Variants in KDM4C observed in about 807,000 individuals in gnomAD.
KDM4C encodes lysine-specific demethylase 4C.
A neutral mutation model predicts 129.3 loss-of-function variants in KDM4C; 81 were observed. The ratio of observed to expected loss-of-function variants is 0.63; its 90% CI spans 0.52 to 0.75. The LOEUF (loss-of-function observed/expected upper bound fraction) is 0.75, where lower values mean the gene tolerates loss of function less well. KDM4C is among the 30% of genes least tolerant of loss of function. The probability of loss-of-function intolerance (pLI) is 0.00; values close to 1 mark genes in which losing one functional copy is unlikely to be tolerated. For synonymous variants in KDM4C, 573 were observed against 456.1 expected, an observed-to-expected ratio of 1.26 and a Z score of -3.26; for missense variants, 1,457 against 1,304.0, an observed-to-expected ratio of 1.12 and a Z score of -1.81.
At position 6,952,718 on chromosome 9, in the gene KDM4C, G is replaced by A. The variant is rs372865122; in HGVS notation, c.922-28207G>A. On this transcript the variant is annotated intron_variant, in intron 8 of 21. Transcript: ENST00000381309. ...GGCCTCCCAAACTGATGGGATTACA[G>A]GTGTGAGCCACTGTGCCCGGCCCCA... is the stretch of plus-strand genomic sequence containing the variant. Among the ~76,000 whole-genome samples, 9 of 152,220 alleles carry A rather than the reference G, an allele frequency of 5.9e-5. No homozygotes were observed. The East Asian group carries it at 1.2e-3, about 20-fold the overall frequency.
At chr9:6,925,746 A>G in intron 8 of KDM4C, 2 of 580,702 alleles carry the variant, frequency 3.4e-6, no homozygotes, top group Non-Finnish European at 4.4e-6. Flanking sequence ...TGTGAGTTAC[A>G]TAAACTTTTT....
intron 12 of KDM4C, among the ~76,000 whole-genome samples, chr9:6,995,771 A>T (rs1376788320): frequency 6.6e-6 from 1 of 151,852 alleles, no homozygotes; most frequent in East Asian, 1.9e-4. Flanking sequence ...TGCTGGGTTC[A>T]CACCATTCTC....
intron 5 of KDM4C, among the ~76,000 whole-genome samples, chr9:6,872,587 C>G (rs998036744): frequency 2.6e-5 from 4 of 152,158 alleles, no homozygotes; most frequent in African/African-American, 9.7e-5. Flanking sequence ...GGAGTTCGCT[C>G]TTCTTGTTGC....
chr9:7,024,883 G>T (rs907930256), intron 15 of KDM4C, among the ~76,000 whole-genome samples: 1 of 152,148 alleles, frequency 6.6e-6, no homozygotes, highest in Non-Finnish European at 1.5e-5. Context: ...GGTATTTGTA[G>T]TTCTAGATCC....
chr9:6,851,601 T>A (rs1317413831), intron 5 of KDM4C, among the ~76,000 whole-genome samples: 1 of 152,188 alleles, frequency 6.6e-6, no homozygotes, highest in Non-Finnish European at 1.5e-5. Flanking sequence ...TCTGAAAAGT[T>A]AGTAGCAAAA....
rs573806844 is a variant in KDM4C, at chr9:6,799,300, T to C, written c.144+6168T>C. Among the ~76,000 whole-genome samples, 110 of 152,332 alleles carry C rather than the reference T, an allele frequency of 7.2e-4. No individual in the cohort carries two copies. The South Asian group carries it at 8.5e-3, about 12-fold the overall frequency. On this transcript the variant is annotated intron_variant, in intron 2 of 21. Coordinates refer to ENST00000381309, the MANE Select transcript of KDM4C (RefSeq NM_015061.6). ...ATTGAGCACTGAGTTAAGGAGACTCTGTCTGCAATCCCGGCATCTTGGGAG... is the reference window on the plus strand; with the variant it reads ...ATTGAGCACTGAGTTAAGGAGACTCCGTCTGCAATCCCGGCATCTTGGGAG...
At chr9:7,065,391 G>T (rs1366970814) in intron 17 of KDM4C, among the ~76,000 whole-genome samples, 2 of 151,668 alleles carry the variant, frequency 1.3e-5, no homozygotes, top group East Asian at 1.9e-4. Flanking sequence ...AGCGCTTAAG[G>T]TTAATTAAAA....
At chr9:7,169,147 C>T (rs577869107) in intron 20 of KDM4C, among the ~76,000 whole-genome samples, 9 of 152,010 alleles carry the variant, frequency 5.9e-5, no homozygotes, top group Admixed American at 3.3e-4. Flanking sequence ...AGAAATGAAC[C>T]GTGCTGACAG....
intron 17 of KDM4C, among the ~76,000 whole-genome samples, chr9:7,059,924 A>C (rs1027816784): frequency 6.6e-6 from 1 of 152,122 alleles, no homozygotes; most frequent in Non-Finnish European, 1.5e-5. Context: ...ATATTGTTAG[A>C]TAAAACCCAC....
At chr9:7,164,959 T>C (rs1164033091) in intron 19 of KDM4C, among the ~76,000 whole-genome samples, 1 of 152,232 alleles carries the variant, frequency 6.6e-6, no homozygotes, top group Admixed American at 6.5e-5. Context: ...CATATTTTAG[T>C]TACCCCCTAA....
At chr9:6,925,444 T>G in intron 8 of KDM4C, 3 of 807,958 alleles carry the variant, frequency 3.7e-6, no homozygotes, top group Non-Finnish European at 4.4e-6. Context: ...CCTTTTCCTC[T>G]TCCCCCTTCC....
chr9:6,819,984 A>C (rs998164182), intron 4 of KDM4C, among the ~76,000 whole-genome samples: 2 of 152,192 alleles, frequency 1.3e-5, no homozygotes, highest in African/African-American at 4.8e-5. Context: ...TATTTACCTT[A>C]ATCTTAAAAG....
chr9:6,788,554 C>CT (rs1483901371), intron 1 of KDM4C, among the ~76,000 whole-genome samples: 1 of 152,216 alleles, frequency 6.6e-6, no homozygotes, highest in Non-Finnish European at 1.5e-5. Context: ...TACTGCTTTC[C>CT]TTTTCCTGAA....
At chr9:6,820,325 C>A (rs1228869958) in intron 4 of KDM4C, among the ~76,000 whole-genome samples, 1 of 152,168 alleles carries the variant, frequency 6.6e-6, no homozygotes, top group Non-Finnish European at 1.5e-5. Flanking sequence ...AAGGGTGAGA[C>A]CACACCTAAC....
In KDM4C at chr9:6,862,841, A is replaced by G. The variant is rs572794352; in HGVS notation, c.629+13141A>G. 2.6e-5 allele frequency among the ~76,000 whole-genome samples: 4 copies of G among 151,730 alleles called. No individual in the cohort carries two copies. The East Asian group carries it at 7.7e-4, about 29-fold the overall frequency. ...AAACAAACAAACAAACAAACAAACA[A>G]AAAACAAAAAAAAATTCAATCATAG... On this transcript the variant is annotated intron_variant, in intron 5 of 21. Transcript: ENST00000381309.
chr9:7,122,451 C>G (rs902740707), intron 18 of KDM4C, among the ~76,000 whole-genome samples: 1 of 152,152 alleles, frequency 6.6e-6, no homozygotes, highest in Non-Finnish European at 1.5e-5. Flanking sequence ...CAGAGCCAAA[C>G]CATATCACCT....
chr9:6,755,062 A>C (rs1238405486), upstream of KDM4C, among the ~76,000 whole-genome samples: 1 of 151,122 alleles, frequency 6.6e-6, no homozygotes, highest in Non-Finnish European at 1.5e-5. Context: ...ATGTGGCGAA[A>C]CCCTGTCTAC....
intron 11 of KDM4C, among the ~76,000 whole-genome samples, chr9:6,988,497 C>T (rs1411189424): frequency 2.2e-5 from 2 of 89,374 alleles, no homozygotes; most frequent in Non-Finnish European, 5.0e-5. Context: ...CCTTTTCTTA[C>T]ACCATGGTGT....
At chr9:6,738,472 C>A (rs1563919202) in intron 1 of KDM4C, among the ~76,000 whole-genome samples, 1 of 152,174 alleles carries the variant, frequency 6.6e-6, no homozygotes, top group Non-Finnish European at 1.5e-5. Flanking sequence ...CTCACTCTGT[C>A]CCCCAAGCTG....
Sources: gnomAD v4.1 joint callset for allele counts (sites outside exome capture counted in the v4.1 genomes callset) on GRCh38, gnomAD v4.1.1 for gene constraint, MANE v1.5 for transcripts, NCBI Gene and HGNC (gene_info 2026-07-23, HGNC 2026-07-21) for gene names.